SCAPER: variants seen among roughly 807,000 people sequenced by gnomAD.
The protein encoded by SCAPER is S-phase cyclin A associated protein in the ER.
A neutral mutation model predicts 182.2 loss-of-function variants in SCAPER; 98 were observed. The ratio of observed to expected loss-of-function variants is 0.54; its 90% CI spans 0.46 to 0.64. SCAPER has a LOEUF of 0.64. Among genes scored for constraint, SCAPER ranks in the 30% least tolerant of loss-of-function variants. SCAPER has a pLI of 0.00. For missense variants in SCAPER, 1,432 were observed against 1,690.0 expected (o/e 0.85, Z 2.68); for synonymous variants, 605 against 564.6 (o/e 1.07, Z -1.01).
At chr15:76,606,164 A>C (rs1487918192) in intron 22 of SCAPER, among the ~76,000 whole-genome samples, 1 of 152,324 alleles carries the variant, frequency 6.6e-6, no homozygotes, top group African/African-American at 2.4e-5. Context: ...ATTTAGTGCT[A>C]TGAATTTCCC....
intron 26 of SCAPER, among the ~76,000 whole-genome samples, chr15:76,425,612 A>G (rs1298238495): frequency 6.6e-6 from 1 of 152,126 alleles, no homozygotes; most frequent in African/African-American, 2.4e-5. Context: ...TTCTTCTCTC[A>G]ACTTGTTAAA....
At chr15:76,547,263 A>G (rs2045373938) in intron 23 of SCAPER, among the ~76,000 whole-genome samples, 1 of 152,196 alleles carries the variant, frequency 6.6e-6, no homozygotes, top group Non-Finnish European at 1.5e-5. Context: ...TTTTAAGTTC[A>G]TAGACCTCTG....
chr15:76,730,157 C>T (rs1310026424), intron 16 of SCAPER, among the ~76,000 whole-genome samples: 2 of 152,028 alleles, frequency 1.3e-5, no homozygotes, highest in Non-Finnish European at 2.9e-5. Context: ...TCAGGGAACA[C>T]AAAAGAGAGA....
rs1426705122 is a variant in SCAPER at position 76,723,354 on chromosome 15, T to C, written c.2165+5241A>G. 3.9e-5 allele frequency among the ~76,000 whole-genome samples: 6 copies of C among 152,302 alleles called. 1 individual carries two copies. Among genetic ancestry groups the C allele is most frequent in the African/African-American group, 1.4e-4 (6 of 41,568 alleles). On this transcript the variant is annotated intron_variant, in intron 17 of 31. Transcript: ENST00000563290. ...GAGGAGTGTTTTACTTCCAACTATG[T>C]GGTCAATTTTGGAATAGGTGTGGTG...
At chr15:76,714,369 C>G (rs1172303024) in intron 17 of SCAPER, among the ~76,000 whole-genome samples, 1 of 152,100 alleles carries the variant, frequency 6.6e-6, no homozygotes, top group Non-Finnish European at 1.5e-5. Flanking sequence ...CAATTTCAAG[C>G]AAGGTTGTGG....
At chr15:76,494,193 T>C (rs890294163) in intron 24 of SCAPER, among the ~76,000 whole-genome samples, 3 of 152,180 alleles carry the variant, frequency 2.0e-5, no homozygotes, top group Admixed American at 6.5e-5. Context: ...GTAAATTCTA[T>C]GATAAGTTCA....
chr15:76,359,087 T>C (rs2041209816), intron 29 of SCAPER, among the ~76,000 whole-genome samples: 1 of 152,154 alleles, frequency 6.6e-6, no homozygotes, highest in African/African-American at 2.4e-5. Flanking sequence ...TACAGAACAA[T>C]GTTAGTTATG....
Position 76,354,305 on chromosome 15 carries a change from C to T in SCAPER, c.3856-165G>A, listed in dbSNP as rs1294797892. 5.9e-6 allele frequency: 3 copies of T among 505,994 alleles called. No individual in the cohort carries two copies. The highest frequency in any genetic ancestry group is 9.8e-6 in the Non-Finnish European group (3 of 304,910). 31.3% of individuals were successfully genotyped at this position (505,994 alleles called of 1,614,324 possible). A position where few individuals can be genotyped will look rare whatever the true frequency, so the allele number is the denominator to read the frequency against. On this transcript the variant is annotated intron_variant, in intron 29 of 31. Coordinates refer to ENST00000563290, the MANE Select transcript of SCAPER (RefSeq NM_020843.4). This position sits in a 1 kb window ranked among gnomAD's most constrained non-coding sequence, Gnocchi z 4.4. ...TAATTTAAGTGATACTTGAAAAGAG[C>T]AGAAAAAAAAAATCTCATTTCCCAA...
rs755358615 is a variant in SCAPER, at chr15:76,471,371, G to A, written c.2955-36C>T. On this transcript the variant is annotated intron_variant, in intron 24 of 31. Coordinates refer to ENST00000563290, the MANE Select transcript of SCAPER (RefSeq NM_020843.4). ...GAGAAAAACACCATTTATAAAACCCGAGCAGCTCTTCTTTAAACAATTAAA... is the reference window on the plus strand; with the variant it reads ...GAGAAAAACACCATTTATAAAACCCAAGCAGCTCTTCTTTAAACAATTAAA... 13 of 1,573,186 alleles carry A rather than the reference G, an allele frequency of 8.3e-6. 1 individual carries two copies. Among genetic ancestry groups the A allele is most frequent in the South Asian group, 7.1e-5 (6 of 84,564 alleles).
chr15:76,647,305 G>T (rs953800260), intron 21 of SCAPER, among the ~76,000 whole-genome samples: 1 of 152,156 alleles, frequency 6.6e-6, no homozygotes, highest in African/African-American at 2.4e-5. Flanking sequence ...GACAATTTTT[G>T]CTTCCAGCCA....
intron 14 of SCAPER, among the ~76,000 whole-genome samples, chr15:76,758,803 G>A (rs2062599903): frequency 6.6e-6 from 1 of 152,014 alleles, no homozygotes; most frequent in Non-Finnish European, 1.5e-5. Flanking sequence ...TCAACTCCCT[G>A]CTTAAGTTAA....
chr15:76,764,438 G>T (rs1309523015), intron 14 of SCAPER, among the ~76,000 whole-genome samples: 1 of 152,250 alleles, frequency 6.6e-6, no homozygotes, highest in Non-Finnish European at 1.5e-5. Context: ...TGGCAATGGG[G>T]GCCATGGCCA....
intron 25 of SCAPER, among the ~76,000 whole-genome samples, 187 bp from the exon 26 acceptor site, chr15:76,434,497 A>G (rs904824707): frequency 6.6e-6 from 1 of 152,186 alleles, no homozygotes; most frequent in Non-Finnish European, 1.5e-5. Context: ...TCCCTGGATA[A>G]GGTTACTATT....
At chr15:76,718,500 G>A (rs569548450) in intron 17 of SCAPER, among the ~76,000 whole-genome samples, 16 of 152,104 alleles carry the variant, frequency 1.1e-4, no homozygotes, top group South Asian at 2.1e-4. Context: ...AATCAGCCAC[G>A]CATGGTGGCA....
In SCAPER at chr15:76,710,943, T is replaced by C. The variant is rs182731270; in HGVS notation, c.2166-4959A>G. 4.1e-4 allele frequency among the ~76,000 whole-genome samples: 63 copies of C among 152,278 alleles called. No homozygotes were observed. In the South Asian group the frequency reaches 0.012, roughly 30 times the overall value. ...AATATATCATTGCATCAATGATCAA[T>C]TGATCTTTAACAGATGGTAAGGCAG... On this transcript the variant is annotated intron_variant, in intron 17 of 31. Transcript: ENST00000563290.
At chr15:76,432,944 G>A (rs186813448) in intron 26 of SCAPER, among the ~76,000 whole-genome samples, 1 of 152,206 alleles carries the variant, frequency 6.6e-6, no homozygotes, top group African/African-American at 2.4e-5. Flanking sequence ...GGGCTGCAAA[G>A]CCTCTACTAC....
At chr15:76,472,079 T>C (rs1030656291) in intron 24 of SCAPER, 6 of 327,230 alleles carry the variant, frequency 1.8e-5, no homozygotes, top group African/African-American at 4.3e-5. Context: ...CCATAGCATA[T>C]GTCCTGCCGC....
chr15:76,701,573 C>T (rs564225284), intron 20 of SCAPER, among the ~76,000 whole-genome samples, 185 bp downstream of exon 20: 1 of 152,148 alleles, frequency 6.6e-6, no homozygotes, highest in South Asian at 2.1e-4. Flanking sequence ...TTCTATCTTT[C>T]TTGTTAAATT....
Position 76,395,902 on chromosome 15 carries a change from T to C in SCAPER, c.3467+8622A>G, listed in dbSNP as rs2044017320. Among the ~76,000 whole-genome samples, 3 of 152,192 alleles carry C rather than the reference T, an allele frequency of 2.0e-5. No homozygotes were observed. The South Asian group carries it at 6.2e-4, about 32-fold the overall frequency. On this transcript the variant is annotated intron_variant, in intron 27 of 31. Transcript: ENST00000563290. ...GGTTGCCTGTGCTTGCAGGGTACTA[T>C]TCAAGAAATTTTTGCCCAGTACAAT... is the stretch of plus-strand genomic sequence containing the variant.
Sources: gnomAD v4.1 joint callset for allele counts (sites outside exome capture counted in the v4.1 genomes callset) on GRCh38, gnomAD v4.1.1 for gene constraint, Gnocchi (gnomAD v3.1) non-coding constraint, MANE v1.5 for transcripts, NCBI Gene and HGNC (gene_info 2026-07-23, HGNC 2026-07-21) for gene names.